The following H2BW1 variants were observed in gnomAD, a reference collection of about 807,000 sequenced individuals.
The protein encoded by H2BW1 is histone H2B type W-T.
H2BW1 carries 9 observed loss-of-function variants against 8.0 expected under a neutral mutation model. The observed-to-expected ratio is 1.13, with a 90% confidence interval of 0.68 to 1.97. The LOEUF (loss-of-function observed/expected upper bound fraction) is 1.97. H2BW1 is among the 30% of genes most tolerant of loss of function. The probability of loss-of-function intolerance (pLI) is 0.00; values close to 1 mark genes in which losing one functional copy is unlikely to be tolerated. For missense variants in H2BW1, 137 were observed against 132.0 expected (o/e 1.04, Z -0.19); for synonymous variants, 58 against 54.7 (o/e 1.06, Z -0.26).
rs1405961311 is a variant in H2BW1 at position 104,013,079 on chromosome X, T to C, written c.407+91A>G. On this transcript the variant is annotated intron_variant, in intron 1 of 2. Coordinates refer to ENST00000217926, the MANE Select transcript of H2BW1 (RefSeq NM_001002916.5). Reference sequence around the variant, plus strand: ...TGTCCCCCTTGGCGAGCCACTGGTCTTTCAGGCCACATTCAGTGGCTCTGA... The same window carrying C: ...TGTCCCCCTTGGCGAGCCACTGGTCCTTCAGGCCACATTCAGTGGCTCTGA... 5 of 1,115,167 alleles carry C rather than the reference T, an allele frequency of 4.5e-6. No homozygotes were observed. The East Asian group carries it at 1.5e-4, about 34-fold the overall frequency. The allele number at this position is 1,115,167 out of a possible 1,213,427, so 91.9% of individuals were successfully genotyped here. A position where few individuals can be genotyped will look rare whatever the true frequency, so the allele number is the denominator to read the frequency against.
At chrX:104,012,187 G>C (rs2075128064) in intron 2 of H2BW1, among the ~76,000 whole-genome samples, 1 of 111,842 alleles carries the variant, frequency 8.9e-6, no homozygotes, top group Non-Finnish European at 1.9e-5. Context: ...TTGATGCTAG[G>C]GGCAAGGAAC....
chrX:104,012,835 C>T, intron 1 of H2BW1, 87 bp from the exon 2 acceptor site: 6 of 1,147,741 alleles, frequency 5.2e-6, no homozygotes, highest in Non-Finnish European at 5.9e-6. Flanking sequence ...TATAGATAGC[C>T]TAGAAACATA....
chrX:104,013,491 T>C lies in H2BW1; in HGVS notation c.86A>G (p.Lys29Arg). 2.5e-6 allele frequency: 3 copies of C among 1,212,040 alleles called. No homozygotes were observed. Among genetic ancestry groups the C allele is most frequent in the Admixed American group, 4.3e-5 (2 of 46,102 alleles). Residue 29 changes from lysine to arginine, a missense_variant, in exon 1 of 3, where the codon AAG (lysine) becomes AGG (arginine). Lys to Arg is a conservative substitution (Grantham distance 26). Transcript: ENST00000217926. The stretch of plus-strand genomic sequence containing the variant: ...CCCTCGCTTCCTCTGCTTGCTCTGC[T>C]TCTGGGACGTAGTGGAGTTGGCCTC... ...PKEANSTTSQ[K>R]QSKQRKRGRH...
chrX:104,013,092 T>C (rs782277382), intron 1 of H2BW1, 78 bp downstream of exon 1: 7 of 1,123,821 alleles, frequency 6.2e-6, no homozygotes, highest in Non-Finnish European at 8.3e-6. Context: ...CAGGCCACAT[T>C]CAGTGGCTCT....
Position 104,013,214 on chromosome X carries a change from C to A in H2BW1, c.363G>T (p.Gln121His). ...CTTCGGACTCGGCGAGCTTGCCCAT[C>A]TGCCCCGGCAGCAGCAGGCGCACAG... ...RMAVRLLLPGQMGKLAESEGT... is the reference protein window; with the variant it reads ...RMAVRLLLPGHMGKLAESEGT... Residue 121 changes from glutamine to histidine, a missense_variant, in exon 1 of 3, where the codon CAG becomes CAT. By Grantham distance (24) the Gln-to-His change is conservative (BLOSUM62 0). Transcript: ENST00000217926. 1 of 1,210,923 alleles carries A rather than the reference C, an allele frequency of 8.3e-7. No individual in the cohort carries two copies. Among genetic ancestry groups the A allele is most frequent in the Non-Finnish European group, 1.1e-6 (1 of 894,862 alleles).
Position 104,011,313 on chromosome X carries a change from G to A in H2BW1, c.*173C>T, listed in dbSNP as rs1187351017. ...AACAGGGTTCTGCCAAGCGTCTTTG[G>A]TTTTCAAAGTGTTGCTCCGGACATG... is the stretch of plus-strand genomic sequence containing the variant. On this transcript the variant is annotated 3_prime_UTR_variant, in exon 3 of 3. Transcript: ENST00000217926. The A allele has an allele frequency of 1.8e-5, 2 of 112,326 alleles. No homozygotes were observed. Among genetic ancestry groups the A allele is most frequent in the Non-Finnish European group, 3.8e-5 (2 of 53,314 alleles). The allele number at this position is 112,326 out of a possible 1,213,427, so 9.3% of individuals were successfully genotyped here. A position where few individuals can be genotyped will look rare whatever the true frequency, so the allele number is the denominator to read the frequency against.
rs781855497 is a variant in H2BW1, at chrX:104,013,218, C to A, written c.359G>T (p.Gly120Val). The part of the protein sequence containing the change: ...TRMAVRLLLP[G>V]QMGKLAESEG... ...GGACTCGGCGAGCTTGCCCATCTGC[C>A]CCGGCAGCAGCAGGCGCACAGCCAT... The change falls in exon 1 of 3, where the codon GGG becomes GTG. Residue 120 changes from glycine to valine, a missense_variant. Coordinates refer to ENST00000217926, the MANE Select transcript of H2BW1 (RefSeq NM_001002916.5). The A allele has an allele frequency of 9.1e-6, 11 of 1,211,121 alleles. No individual in the cohort carries two copies. The South Asian group carries it at 1.4e-4, about 16-fold the overall frequency.
intron 1 of H2BW1, among the ~76,000 whole-genome samples, 162 bp from the exon 2 acceptor site, chrX:104,012,910 T>C (rs781806429): frequency 4.2e-4 from 47 of 112,444 alleles, no homozygotes; most frequent in Non-Finnish European, 9.4e-5. Flanking sequence ...CACCCACTAT[T>C]TTTCCTTGGA....
intron 1 of H2BW1, 99 bp from the exon 2 acceptor site, chrX:104,012,847 C>A: frequency 8.8e-7 from 1 of 1,133,599 alleles, no homozygotes; most frequent in Non-Finnish European, 1.2e-6. Context: ...AGAAACATAA[C>A]TAACAAAAAT....
chrX:104,012,867 C>G, intron 1 of H2BW1, 119 bp from the exon 2 acceptor site: 3 of 1,067,064 alleles, frequency 2.8e-6, no homozygotes, highest in Non-Finnish European at 3.8e-6. Context: ...TGACCGTTTA[C>G]GAAACTGAGG....
rs1399414785 is a variant in H2BW1 at position 104,011,389 on chromosome X, G to C, written c.*97C>G. On this transcript the variant is annotated 3_prime_UTR_variant, in exon 3 of 3. Coordinates refer to ENST00000217926, the MANE Select transcript of H2BW1 (RefSeq NM_001002916.5). Reference sequence around the variant, plus strand: ...GAGCGATTTAGTTGTGGCTGATTTCGTGGGGGGTTTTTCTTGGTCTCCTTG... The same window carrying C: ...GAGCGATTTAGTTGTGGCTGATTTCCTGGGGGGTTTTTCTTGGTCTCCTTG... The C allele has an allele frequency of 1.8e-5, 2 of 112,276 alleles. No individual in the cohort carries two copies. Among genetic ancestry groups the C allele is most frequent in the Admixed American group, 1.9e-4 (2 of 10,599 alleles). The allele number at this position is 112,276 out of a possible 1,213,427, so 9.3% of individuals were successfully genotyped here.
In H2BW1 at chrX:104,013,707, A is replaced by G. The variant is rs782590873; in HGVS notation, c.-131T>C. 1 of 1,168,218 alleles carries G rather than the reference A, an allele frequency of 8.6e-7. No individual in the cohort carries two copies. Among genetic ancestry groups the G allele is most frequent in the Admixed American group, 2.5e-5 (1 of 39,683 alleles). On this transcript the variant is annotated 5_prime_UTR_variant, in exon 1 of 3. Transcript: ENST00000217926. The stretch of plus-strand genomic sequence containing the variant: ...TTCACGTCTGATTGGATGAAGTGTC[A>G]CGCAGGGAGCCTCTCAGCAAACCTA...
At position 104,013,553 on chromosome X, in the gene H2BW1, C is replaced by A; in HGVS notation, c.24G>T (p.Thr8=). The A allele has an allele frequency of 8.3e-7, 1 of 1,211,675 alleles. No individual in the cohort carries two copies. Among genetic ancestry groups the A allele is most frequent in the Non-Finnish European group, 1.1e-6 (1 of 895,445 alleles). ...GGGTGATCAGCTGTTCCTCAGAGGT[C>A]GTCTCAGAGGAAGGTCCAGCCATGG... The part of the protein sequence containing the change: MAGPSSE[T]TSEEQLITQE... The change falls in exon 1 of 3, where the codon ACG becomes ACT. Residue 8 remains threonine (T), a synonymous_variant. Transcript: ENST00000217926.
rs782696235 is a variant in H2BW1 at position 104,013,198 on chromosome X, C to T, written c.379G>A (p.Glu127Lys). The change falls in exon 1 of 3, where the codon GAG (glutamate) becomes AAG (lysine). Residue 127 changes from glutamate (E) to lysine (K), a missense_variant. Coordinates refer to ENST00000217926, the MANE Select transcript of H2BW1 (RefSeq NM_001002916.5). ...LLPGQMGKLA[E>K]SEGTKAVLRT... ...AGGACAGCCTTCGTGCCTTCGGACTCGGCGAGCTTGCCCATCTGCCCCGGC... is the reference window on the plus strand; with the variant it reads ...AGGACAGCCTTCGTGCCTTCGGACTTGGCGAGCTTGCCCATCTGCCCCGGC... 1.7e-4 allele frequency: 205 copies of T among 1,207,590 alleles called. No homozygotes were observed. In the South Asian group the frequency reaches 3.2e-3, roughly 19 times the overall value.
Position 104,013,580 on chromosome X carries a change from G to A in H2BW1, c.-4C>T, listed in dbSNP as rs375762965. 2.2e-5 allele frequency: 27 copies of A among 1,210,140 alleles called. No individual in the cohort carries two copies. The South Asian group carries it at 3.0e-4, about 13-fold the overall frequency. On this transcript the variant is annotated 5_prime_UTR_variant, in exon 1 of 3. Transcript: ENST00000217926. ...TCTCAGAGGAAGGTCCAGCCATGGC[G>A]GAGGCAGTGGCCATTAGATGGCACG...
intron 1 of H2BW1, 146 bp from the exon 2 acceptor site, chrX:104,012,894 C>A: frequency 1.1e-6 from 1 of 936,164 alleles, no homozygotes. Context: ...AACACGATCA[C>A]GGAAACACCC....
chrX:104,013,381 G>A lies in H2BW1; in HGVS notation c.196C>T (p.Gln66Ter). 1 of 1,212,404 alleles carries A rather than the reference G, an allele frequency of 8.2e-7. No individual in the cohort carries two copies. The highest frequency in any genetic ancestry group is 3.0e-5 in the East Asian group (1 of 33,858). ...YFRRVLKQVH[Q>*]GLSLSREAVS... ...GCCTCCCGGGAAAGGCTGAGGCCCTGGTGAACCTGCTTCAGCACCCGGCGG... is the reference window on the plus strand; with the variant it reads ...GCCTCCCGGGAAAGGCTGAGGCCCTAGTGAACCTGCTTCAGCACCCGGCGG... Residue 66 changes from glutamine to a stop codon, truncating the protein, a stop_gained, in exon 1 of 3, where the codon CAG (glutamine) becomes TAG (stop). Transcript: ENST00000217926. LOFTEE classifies it high-confidence loss of function.
Position 104,011,463 on chromosome X carries a change from T to G in H2BW1, c.*23A>C, listed in dbSNP as rs1221753402. On this transcript the variant is annotated splice_region_variant and 3_prime_UTR_variant, in exon 3 of 3. Coordinates refer to ENST00000217926, the MANE Select transcript of H2BW1 (RefSeq NM_001002916.5). The stretch of plus-strand genomic sequence containing the variant: ...TATTTTCATGACATTTTTCTAATAT[T>G]CTGCAAAAACAGAAAGTAGCAAATC... 8.9e-6 allele frequency: 1 copy of G among 112,125 alleles called. No individual in the cohort carries two copies. Among genetic ancestry groups the G allele is most frequent in the African/African-American group, 3.2e-5 (1 of 30,781 alleles). 9.2% of individuals were successfully genotyped at this position (112,125 alleles called of 1,213,427 possible). A position where few individuals can be genotyped will look rare whatever the true frequency, so the allele number is the denominator to read the frequency against.
chrX:104,012,296 C>G (rs1466523754), intron 2 of H2BW1, among the ~76,000 whole-genome samples: 2 of 111,666 alleles, frequency 1.8e-5, no homozygotes, highest in Non-Finnish European at 3.8e-5. Context: ...CCTGTCCCCC[C>G]AAACACCAGA....
Sources: gnomAD v4.1 joint callset for allele counts (sites outside exome capture counted in the v4.1 genomes callset) on GRCh38, gnomAD v4.1.1 for gene constraint, MANE v1.5 for transcripts, NCBI Gene and HGNC (gene_info 2026-07-23, HGNC 2026-07-21) for gene names.